The following SNX18 variants were observed in gnomAD, a reference collection of about 807,000 sequenced individuals.
SNX18 encodes the protein sorting nexin-18.
A neutral mutation model predicts 48.7 loss-of-function variants in SNX18; 35 were observed. The observed-to-expected ratio is 0.72, with a 90% CI of 0.55 to 0.95. The LOEUF (loss-of-function observed/expected upper bound fraction) is 0.95. Ranked by LOEUF, SNX18 falls within the 40% of genes least tolerant of loss-of-function variation. The probability of loss-of-function intolerance (pLI) is 0.00; values close to 1 mark genes in which losing one functional copy is unlikely to be tolerated. For synonymous variants in SNX18, 492 were observed against 384.7 expected (o/e 1.28, Z -3.26); for missense variants, 824 against 871.0 (o/e 0.95, Z 0.68).
chr5:54,570,320 G>A, the SNX18 span, among the ~76,000 whole-genome samples: 10 of 152,296 alleles, frequency 6.6e-5, no homozygotes, highest in South Asian at 2.1e-3. Flanking sequence ...CCTGCTGACT[G>A]CTTAATTTTA....
At chr5:54,598,754 T>C in the SNX18 span, among the ~76,000 whole-genome samples, 1 of 152,284 alleles carries the variant, frequency 6.6e-6, no homozygotes, top group African/African-American at 2.4e-5. Context: ...GAGCCATTTA[T>C]GACAAACCCA....
chr5:54,525,817 A>G (rs1762121865), intron 1 of SNX18, among the ~76,000 whole-genome samples: 1 of 152,174 alleles, frequency 6.6e-6, no homozygotes, highest in East Asian at 1.9e-4. Flanking sequence ...ACTTTTAGAC[A>G]TTGTTTCAGG....
chr5:54,594,660 G>A, the SNX18 span, among the ~76,000 whole-genome samples: 1 of 152,002 alleles, frequency 6.6e-6, no homozygotes, highest in Non-Finnish European at 1.5e-5. Context: ...GTCTTTAATG[G>A]GCTCTCTGGG....
chr5:54,553,188 TGG>T, the SNX18 span, among the ~76,000 whole-genome samples: 8 of 152,080 alleles, frequency 5.3e-5, no homozygotes, highest in Non-Finnish European at 7.4e-5. Context: ...GAATGAGATG[TGG>T]GGCTCCCAGG....
At chr5:54,538,803 T>G (rs1323043999) in intron 1 of SNX18, among the ~76,000 whole-genome samples, 1 of 152,214 alleles carries the variant, frequency 6.6e-6, no homozygotes. Flanking sequence ...TCAACTTGTT[T>G]TATTGCTAAT....
the SNX18 span, among the ~76,000 whole-genome samples, chr5:54,617,242 T>A: frequency 6.6e-6 from 1 of 152,214 alleles, no homozygotes; most frequent in Non-Finnish European, 1.5e-5. Flanking sequence ...ATTCCTGACC[T>A]GAACAATTCC....
chr5:54,558,517 G>T, the SNX18 span, among the ~76,000 whole-genome samples: 1 of 152,126 alleles, frequency 6.6e-6, no homozygotes, highest in African/African-American at 2.4e-5. Flanking sequence ...TCAGAGGGCT[G>T]GGAAAGATCT....
At chr5:54,561,837 ATG>A in the SNX18 span, among the ~76,000 whole-genome samples, 1 of 152,198 alleles carries the variant, frequency 6.6e-6, no homozygotes, top group Admixed American at 6.5e-5. Context: ...TAGAGCTTGT[ATG>A]TCTTTATTAT....
chr5:54,597,773 A>G, the SNX18 span, among the ~76,000 whole-genome samples: 1 of 152,044 alleles, frequency 6.6e-6, no homozygotes, highest in African/African-American at 2.4e-5. Context: ...CTAAATGCTC[A>G]CATCAAAAAA....
intron 1 of SNX18, among the ~76,000 whole-genome samples, chr5:54,533,336 T>G (rs771832836): frequency 3.9e-5 from 6 of 152,210 alleles, no homozygotes; most frequent in Non-Finnish European, 8.8e-5. Flanking sequence ...CAGGGTTTAT[T>G]AATGTGGTCT....
intron 1 of SNX18, among the ~76,000 whole-genome samples, chr5:54,537,685 A>G (rs918193220): frequency 5.3e-5 from 8 of 152,204 alleles, no homozygotes; most frequent in East Asian, 1.9e-4. Flanking sequence ...GGGGGCTGGC[A>G]AGGGGGCATG....
chr5:54,624,769 T>C, the SNX18 span, among the ~76,000 whole-genome samples: 1 of 152,196 alleles, frequency 6.6e-6, no homozygotes, highest in Non-Finnish European at 1.5e-5. Context: ...TGATGGAAGC[T>C]AGGCATCCAG....
chr5:54,520,440 T>C (rs995073572), intron 1 of SNX18: 2 of 167,184 alleles, frequency 1.2e-5, no homozygotes, highest in Middle Eastern at 3.1e-3. Flanking sequence ...AATGCCTTGA[T>C]TGAGAGAATG....
At chr5:54,617,537 G>A in the SNX18 span, among the ~76,000 whole-genome samples, 3 of 152,146 alleles carry the variant, frequency 2.0e-5, no homozygotes. Flanking sequence ...ACAGAGAATT[G>A]AAATAGACTG....
At chr5:54,592,035 G>A in the SNX18 span, among the ~76,000 whole-genome samples, 1 of 152,202 alleles carries the variant, frequency 6.6e-6, no homozygotes, top group Non-Finnish European at 1.5e-5. Flanking sequence ...CCCTGTGAAA[G>A]CAAAAGTCAG....
At chr5:54,585,018 A>G in the SNX18 span, among the ~76,000 whole-genome samples, 2 of 152,304 alleles carry the variant, frequency 1.3e-5, no homozygotes, top group Admixed American at 6.5e-5. Context: ...CAGGCCAGGC[A>G]TGATGGCTCA....
the SNX18 span, chr5:54,644,273 C>T: frequency 1.3e-5 from 2 of 152,244 alleles, no homozygotes; most frequent in African/African-American, 4.8e-5. Flanking sequence ...AGTTTCACAG[C>T]CAAGAGTGAT....
intron 1 of SNX18, among the ~76,000 whole-genome samples, chr5:54,525,943 C>T (rs1344788994): frequency 1.3e-5 from 2 of 152,146 alleles, no homozygotes; most frequent in Non-Finnish European, 2.9e-5. Context: ...TCAGCAATCA[C>T]GCATTGCAGG....
At chr5:54,595,393 G>A in the SNX18 span, among the ~76,000 whole-genome samples, 2 of 151,986 alleles carry the variant, frequency 1.3e-5, no homozygotes, top group Non-Finnish European at 2.9e-5. Flanking sequence ...GCGCCACCAT[G>A]CCCAGCTAAT....
Sources: allele counts gnomAD v4.1 joint callset (sites outside exome capture counted in the v4.1 genomes callset), GRCh38; gene constraint gnomAD v4.1.1; transcripts MANE v1.5; gene names NCBI Gene and HGNC (gene_info 2026-07-23, HGNC 2026-07-21).